Variants in CIMAP1C observed in about 807,000 individuals in gnomAD.
The protein encoded by CIMAP1C is ciliary microtubule associated protein 1C, also known as outer dense fiber of sperm tails 3 like 1.
the CIMAP1C span, chr15:75,727,501 A>T: frequency 6.2e-7 from 1 of 1,605,614 alleles, no homozygotes; most frequent in South Asian, 1.1e-5. Flanking sequence ...TCAAGCACTC[A>T]CTCCACCTGT....
At chr15:75,726,196 T>C in the CIMAP1C span, 1 of 1,464,638 alleles carries the variant, frequency 6.8e-7, no homozygotes, top group East Asian at 2.3e-5. Flanking sequence ...TGGACAGATG[T>C]TGGGGGTTGG....
the CIMAP1C span, chr15:75,727,204 G>A: frequency 8.7e-6 from 14 of 1,614,048 alleles, no homozygotes; most frequent in Middle Eastern, 1.6e-4. Context: ...AGTACCAGAT[G>A]CCACTCTTGC....
the CIMAP1C span, chr15:75,726,004 C>T: frequency 8.3e-7 from 1 of 1,208,504 alleles, no homozygotes; most frequent in Admixed American, 1.9e-5. Flanking sequence ...AGGCCAGGTG[C>T]TCAGTGGGGC....
chr15:75,726,095 C>T, the CIMAP1C span: 1 of 1,613,986 alleles, frequency 6.2e-7, no homozygotes, highest in Non-Finnish European at 8.5e-7. Context: ...CTTGCTATCT[C>T]TTGGATCCCA....
chr15:75,726,068 C>T, the CIMAP1C span: 5 of 1,612,070 alleles, frequency 3.1e-6, no homozygotes, highest in Non-Finnish European at 4.2e-6. Flanking sequence ...GGATGGTGTG[C>T]CACAGCAGCC....
the CIMAP1C span, chr15:75,724,309 A>G: frequency 6.2e-7 from 1 of 1,611,314 alleles, no homozygotes; most frequent in Non-Finnish European, 8.5e-7. Context: ...ATCATGGCCA[A>G]GATCAAAGGT....
the CIMAP1C span, among the ~76,000 whole-genome samples, chr15:75,726,816 A>G: frequency 1.3e-5 from 2 of 152,066 alleles, no homozygotes; most frequent in African/African-American, 2.4e-5. Context: ...GGGTTTCACC[A>G]TGTTGGTCAG....
the CIMAP1C span, among the ~76,000 whole-genome samples, chr15:75,725,570 G>A: frequency 1.3e-5 from 2 of 152,210 alleles, no homozygotes; most frequent in Admixed American, 6.5e-5. Context: ...GGAAGTGGTG[G>A]CCCCCAGAGC....
At chr15:75,727,309 C>G in the CIMAP1C span, 1 of 1,614,148 alleles carries the variant, frequency 6.2e-7, no homozygotes, top group Non-Finnish European at 8.5e-7. Flanking sequence ...TGGCAGGAGG[C>G]CCTGGACCTA....
At chr15:75,724,897 T>C in the CIMAP1C span, among the ~76,000 whole-genome samples, 2 of 152,252 alleles carry the variant, frequency 1.3e-5, no homozygotes, top group South Asian at 4.1e-4. Flanking sequence ...ATTAGCTTCT[T>C]ATTATGCATT....
the CIMAP1C span, chr15:75,727,152 G>A: frequency 3.1e-4 from 502 of 1,613,992 alleles, 5 homozygotes; most frequent in Middle Eastern, 4.0e-3. Context: ...TTTGGCTACC[G>A]GCGCCCATAC....
At chr15:75,725,338 G>A in the CIMAP1C span, 8 of 772,624 alleles carry the variant, frequency 1.0e-5, no homozygotes, top group South Asian at 1.3e-4. Flanking sequence ...GGGGCCCCCT[G>A]GGTCCAGAGG....
chr15:75,726,032 AGGCCCTCTCCTTGGTTGCCCTGCAG>A, the CIMAP1C span: 1 of 1,528,126 alleles, frequency 6.5e-7, no homozygotes, highest in East Asian at 2.3e-5. Flanking sequence ...GGGGCTGACC[AGGCCCTCTCCTTGGTTGCCCTGCAG>A]GGATGGTGTG....
chr15:75,726,180 G>A, the CIMAP1C span: 164 of 1,585,890 alleles, frequency 1.0e-4, no homozygotes, highest in African/African-American at 1.4e-3. Flanking sequence ...GCGTAAGATG[G>A]GGTTATGGAC....
chr15:75,724,933 A>G, the CIMAP1C span, among the ~76,000 whole-genome samples: 1 of 152,232 alleles, frequency 6.6e-6, no homozygotes, highest in South Asian at 2.1e-4. Flanking sequence ...ACTGCATTTT[A>G]TCTGGAAATA....
the CIMAP1C span, among the ~76,000 whole-genome samples, chr15:75,724,863 A>G: frequency 6.6e-6 from 1 of 152,264 alleles, no homozygotes; most frequent in African/African-American, 2.4e-5. Context: ...CTGGAGCAGA[A>G]TAAGTTCTCA....
At chr15:75,725,601 C>T in the CIMAP1C span, among the ~76,000 whole-genome samples, 1 of 152,224 alleles carries the variant, frequency 6.6e-6, no homozygotes, top group Non-Finnish European at 1.5e-5. Flanking sequence ...GCCTAGAACC[C>T]ACTGGAAGGG....
At chr15:75,724,161 C>A in the CIMAP1C span, 124 of 1,407,612 alleles carry the variant, frequency 8.8e-5, no homozygotes, top group Admixed American at 4.0e-4. Flanking sequence ...CTGTTTAGAC[C>A]CTGCTGTAGC....
chr15:75,727,288 C>G, the CIMAP1C span: 1 of 1,614,096 alleles, frequency 6.2e-7, no homozygotes, highest in Admixed American at 1.7e-5. Flanking sequence ...ACTGGTTCTA[C>G]AAGGAGGATG....
Sources: allele counts gnomAD v4.1 joint callset (sites outside exome capture counted in the v4.1 genomes callset), GRCh38; gene constraint gnomAD v4.1.1; transcripts MANE v1.5; gene names NCBI Gene and HGNC (gene_info 2026-07-23, HGNC 2026-07-21).